The following PITHD1 variants were observed in gnomAD, a reference collection of about 807,000 sequenced individuals.
The protein encoded by PITHD1 is PITH domain-containing protein 1.
PITHD1 carries 8 observed loss-of-function variants against 27.5 expected under a neutral mutation model. That is an observed-to-expected ratio of 0.29 (90% CI 0.17 to 0.52). The LOEUF is 0.52. Among genes scored for constraint, PITHD1 ranks in the 20% least tolerant of loss-of-function variants. The pLI, the probability that PITHD1 is intolerant of heterozygous loss-of-function variation, is 0.96. For missense variants in PITHD1, 233 were observed against 283.9 expected (o/e 0.82, Z 1.29); for synonymous variants, 118 against 106.8 (o/e 1.10, Z -0.64).
intron 1 of PITHD1, among the ~76,000 whole-genome samples, chr1:23,778,933 C>T (rs1031648361): frequency 2.0e-5 from 3 of 152,180 alleles, no homozygotes; most frequent in Non-Finnish European, 4.4e-5. Context: ...TTTTGTCAAG[C>T]TACACAGCCT....
intron 3 of PITHD1, among the ~76,000 whole-genome samples, chr1:23,783,372 C>T (rs1283580279): frequency 2.3e-5 from 3 of 132,854 alleles, no homozygotes; most frequent in African/African-American, 5.7e-5. Context: ...TATATATACA[C>T]ATATATGTGT....
At chr1:23,786,637 A>AT (rs1638688833) in intron 5 of PITHD1, among the ~76,000 whole-genome samples, 2 of 147,368 alleles carry the variant, frequency 1.4e-5, no homozygotes, top group African/African-American at 5.0e-5. Context: ...AATAATATAT[A>AT]TAATATATAT....
intron 3 of PITHD1, among the ~76,000 whole-genome samples, chr1:23,784,689 T>C (rs1022018354): frequency 6.6e-6 from 1 of 152,150 alleles, no homozygotes; most frequent in East Asian, 1.9e-4. Context: ...TTTAGATTAC[T>C]CTTTGAAAAA....
rs373125988 is a variant in PITHD1, at chr1:23,787,278, C to T, written c.538C>T (p.Arg180Cys). ...IGLRGEWTEL[R>C]RHEVTICNYE... ...CCCAGCCTCAATTTTCTTGCAGCTT[C>T]GCCGACACGAGGTGACCATCTGCAA... Residue 180 changes from arginine (R) to cysteine (C), a missense_variant, in exon 6 of 6, where the codon CGC (arginine) becomes TGC (cysteine). Transcript: ENST00000246151. The T allele has an allele frequency of 7.3e-5, 118 of 1,612,690 alleles. 1 individual carries two copies. In the South Asian group the frequency reaches 1.0e-3, roughly 14 times the overall value.
At chr1:23,783,200 T>C (rs546182876) in intron 3 of PITHD1, among the ~76,000 whole-genome samples, 3 of 151,280 alleles carry the variant, frequency 2.0e-5, no homozygotes, top group South Asian at 2.1e-4. Flanking sequence ...AGTTTCACTG[T>C]GTTAGCAAGG....
intron 3 of PITHD1, among the ~76,000 whole-genome samples, chr1:23,783,471 A>G (rs1638639238): frequency 6.8e-6 from 1 of 147,642 alleles, no homozygotes; most frequent in African/African-American, 2.5e-5. Flanking sequence ...TGTTTTTTTA[A>G]GACGGCGTTC....
At chr1:23,786,004 A>C (rs59619777) in intron 4 of PITHD1, among the ~76,000 whole-genome samples, 3,089 of 152,334 alleles carry the variant, frequency 0.02, 101 homozygotes, top group African/African-American at 0.07. Flanking sequence ...GTTTTAGGAA[A>C]GATGTGTCTC....
intron 3 of PITHD1, among the ~76,000 whole-genome samples, chr1:23,781,938 C>T (rs1638606499): frequency 6.6e-6 from 1 of 152,070 alleles, no homozygotes; most frequent in South Asian, 2.1e-4. Context: ...CAGTTCTAAG[C>T]ACACTACATA....
chr1:23,782,335 C>G (rs2148400240), intron 3 of PITHD1, among the ~76,000 whole-genome samples: 1 of 152,126 alleles, frequency 6.6e-6, no homozygotes, highest in South Asian at 2.1e-4. Context: ...AGGAGAATCA[C>G]TTGAACCCGG....
chr1:23,787,204 C>T (rs935869659), intron 5 of PITHD1, 71 bp from the exon 6 acceptor site: 26 of 926,802 alleles, frequency 2.8e-5, no homozygotes, highest in Non-Finnish European at 4.1e-5. Flanking sequence ...TAAGGACTAC[C>T]GCAATGTGTG....
chr1:23,778,495 C>A lies in PITHD1; in HGVS notation c.-21C>A. 8 of 1,340,230 alleles carry A rather than the reference C, an allele frequency of 6.0e-6. No individual in the cohort carries two copies. Among genetic ancestry groups the A allele is most frequent in the Non-Finnish European group, 7.6e-6 (8 of 1,050,474 alleles). The allele number at this position is 1,340,230 out of a possible 1,614,324, so 83.0% of individuals were successfully genotyped here. ...GAGCGCGGCGGTGGGGCCGAGAGGACGCGCAGGTGGCGGCGTTGCCATGTC... is the reference window on the plus strand; with the variant it reads ...GAGCGCGGCGGTGGGGCCGAGAGGAAGCGCAGGTGGCGGCGTTGCCATGTC... On this transcript the variant is annotated 5_prime_UTR_variant, in exon 1 of 6. Coordinates refer to ENST00000246151, the MANE Select transcript of PITHD1 (RefSeq NM_020362.5).
chr1:23,778,845 C>T (rs1017693104), intron 1 of PITHD1, 132 bp downstream of exon 1: 7 of 491,528 alleles, frequency 1.4e-5, no homozygotes, highest in Non-Finnish European at 2.3e-5. Context: ...TGTCTCCTGC[C>T]AGCTCTTTGG....
intron 3 of PITHD1, among the ~76,000 whole-genome samples, chr1:23,784,774 T>G (rs976026694): frequency 2.0e-5 from 3 of 152,210 alleles, no homozygotes; most frequent in Non-Finnish European, 4.4e-5. Context: ...TGGAGTACAG[T>G]GGCGTGATCT....
Position 23,784,157 on chromosome 1 carries a change from C to T in PITHD1, c.321-1518C>T, listed in dbSNP as rs114461301. 3.1e-3 allele frequency among the ~76,000 whole-genome samples: 467 copies of T among 151,942 alleles called. 5 individuals carry two copies. Among genetic ancestry groups the T allele is most frequent in the African/African-American group, 0.011 (438 of 41,436 alleles). Reference sequence around the variant, plus strand: ...AGCGCTATACTGCTTCTCATTATGCCGCTCATAAATGTTTACTATTATTAT... The same window carrying T: ...AGCGCTATACTGCTTCTCATTATGCTGCTCATAAATGTTTACTATTATTAT... On this transcript the variant is annotated intron_variant, in intron 3 of 5. Coordinates refer to ENST00000246151, the MANE Select transcript of PITHD1 (RefSeq NM_020362.5).
At chr1:23,784,777 C>T (rs1048904730) in intron 3 of PITHD1, among the ~76,000 whole-genome samples, 4 of 152,134 alleles carry the variant, frequency 2.6e-5, no homozygotes, top group Admixed American at 1.3e-4. Flanking sequence ...AGTACAGTGG[C>T]GTGATCTTGG....
At chr1:23,783,400 C>CAT (rs35854219) in intron 3 of PITHD1, among the ~76,000 whole-genome samples, 84,172 of 133,068 alleles carry the variant, frequency 0.63, 27,494 homozygotes, top group African/African-American at 0.75. Flanking sequence ...CATATATACG[C>CAT]ATATATACAC....
At chr1:23,780,096 A>G (rs1376729775) in intron 3 of PITHD1, among the ~76,000 whole-genome samples, 155 bp downstream of exon 3, 3 of 152,188 alleles carry the variant, frequency 2.0e-5, no homozygotes, top group Admixed American at 6.5e-5. Flanking sequence ...TGGAATACAT[A>G]TATTTCTTCC....
chr1:23,780,038 T>G, intron 3 of PITHD1, 97 bp downstream of exon 3: 1 of 785,162 alleles, frequency 1.3e-6, no homozygotes, highest in South Asian at 1.5e-5. Context: ...CTTACCGGGT[T>G]TAATATTTCC....
intron 1 of PITHD1, 71 bp from the exon 2 acceptor site, chr1:23,779,367 G>A: frequency 1.7e-6 from 2 of 1,163,684 alleles, no homozygotes; most frequent in Non-Finnish European, 2.6e-6. Context: ...AGCAGGGTGG[G>A]AGATGCCTGA....
Sources: allele counts gnomAD v4.1 joint callset (sites outside exome capture counted in the v4.1 genomes callset), GRCh38; gene constraint gnomAD v4.1.1; transcripts MANE v1.5; gene names NCBI Gene and HGNC (gene_info 2026-07-23, HGNC 2026-07-21).